The following KCNQ5 variants were observed in gnomAD, a reference collection of about 807,000 sequenced individuals.
KCNQ5 encodes potassium voltage-gated channel subfamily KQT member 5.
Under a neutral mutation model 98.2 loss-of-function variants are expected in KCNQ5, and 30 were observed. The ratio of observed to expected loss-of-function variants is 0.31; its 90% CI spans 0.23 to 0.41. The LOEUF is 0.41. KCNQ5 is among the 10% of genes least tolerant of loss of function. The pLI is 1.00. For missense variants in KCNQ5, 835 were observed against 1,182.5 expected, an observed-to-expected ratio of 0.71 and a Z score of 4.31; for synonymous variants, 458 against 449.4, an observed-to-expected ratio of 1.02 and a Z score of -0.24.
intron 1 of KCNQ5, among the ~76,000 whole-genome samples, chr6:72,692,742 G>A (rs1441827874): frequency 6.6e-6 from 1 of 152,162 alleles, no homozygotes; most frequent in African/African-American, 2.4e-5. Context: ...CAGACCTTAT[G>A]TACTGATGCT....
chr6:72,759,379 T>C (rs1048167315), intron 1 of KCNQ5, among the ~76,000 whole-genome samples: 23 of 152,096 alleles, frequency 1.5e-4, no homozygotes, highest in African/African-American at 5.6e-4. Context: ...AATATTACAG[T>C]AGAAGAAAAA....
chr6:73,118,736 G>A (rs998698887), intron 7 of KCNQ5, among the ~76,000 whole-genome samples: 1 of 152,080 alleles, frequency 6.6e-6, no homozygotes, highest in African/African-American at 2.4e-5. Flanking sequence ...TAAATGAATT[G>A]GTCTGCCAGG....
chr6:73,118,310 C>T (rs1260784593), intron 7 of KCNQ5, among the ~76,000 whole-genome samples: 6 of 152,202 alleles, frequency 3.9e-5, no homozygotes, highest in South Asian at 4.1e-4. Context: ...ACGTTATTCA[C>T]ATGAAGTTCA....
intron 1 of KCNQ5, among the ~76,000 whole-genome samples, chr6:72,941,846 AC>A (rs1247426706): frequency 1.3e-5 from 2 of 151,812 alleles, no homozygotes; most frequent in Non-Finnish European, 2.9e-5. Context: ...CATTGTTCTG[AC>A]CCTCTTATAG....
At chr6:72,795,288 G>A (rs1395098679) in intron 1 of KCNQ5, among the ~76,000 whole-genome samples, 4 of 152,152 alleles carry the variant, frequency 2.6e-5, no homozygotes, top group Non-Finnish European at 5.9e-5. Flanking sequence ...GATAGGAGCA[G>A]AGAGGTGTCA....
At chr6:73,182,971 C>G (rs995387419) in intron 11 of KCNQ5, among the ~76,000 whole-genome samples, 2 of 152,098 alleles carry the variant, frequency 1.3e-5, no homozygotes, top group Admixed American at 1.3e-4. Flanking sequence ...TAGCCATGGA[C>G]TGATTCCCAG....
chr6:72,772,775 T>C (rs1772963987), intron 1 of KCNQ5, among the ~76,000 whole-genome samples: 1 of 152,150 alleles, frequency 6.6e-6, no homozygotes, highest in Non-Finnish European at 1.5e-5. Context: ...TGAACTGCAA[T>C]GTTCAGAAAA....
At chr6:73,057,249 G>A (rs548365231) in intron 3 of KCNQ5, among the ~76,000 whole-genome samples, 80 of 136,078 alleles carry the variant, frequency 5.9e-4, no homozygotes, top group African/African-American at 1.8e-3. Flanking sequence ...AACACCACAT[G>A]TTCTCACTCA....
chr6:72,946,065 C>G (rs183291356), intron 1 of KCNQ5, among the ~76,000 whole-genome samples: 1 of 152,264 alleles, frequency 6.6e-6, no homozygotes, highest in East Asian at 1.9e-4. Context: ...CGTCTTCTCA[C>G]GAACCACAGT....
intron 1 of KCNQ5, among the ~76,000 whole-genome samples, chr6:72,935,028 A>C (rs1765844554): frequency 6.7e-6 from 1 of 150,322 alleles, no homozygotes; most frequent in African/African-American, 2.4e-5. Flanking sequence ...CAAAACTTCC[A>C]ACTTTAACTG....
intron 1 of KCNQ5, among the ~76,000 whole-genome samples, chr6:72,648,957 T>G (rs1017132022): frequency 3.3e-5 from 5 of 152,092 alleles, no homozygotes; most frequent in African/African-American, 1.2e-4. Context: ...CAGGACCCAG[T>G]TTTAGTTCAG....
At chr6:72,943,393 A>G (rs1036837101) in intron 1 of KCNQ5, among the ~76,000 whole-genome samples, 1 of 152,204 alleles carries the variant, frequency 6.6e-6, no homozygotes, top group Non-Finnish European at 1.5e-5. Flanking sequence ...TGAAGCCTAA[A>G]TTACAGAAAA....
intron 1 of KCNQ5, among the ~76,000 whole-genome samples, chr6:72,693,284 A>G (rs1768304891): frequency 6.6e-6 from 1 of 152,152 alleles, no homozygotes; most frequent in Admixed American, 6.5e-5. Flanking sequence ...GAGTTAGAAG[A>G]TAATCAGGAG....
chr6:72,959,837 A>G (rs1767250817), intron 1 of KCNQ5, among the ~76,000 whole-genome samples: 1 of 152,258 alleles, frequency 6.6e-6, no homozygotes, highest in Non-Finnish European at 1.5e-5. Flanking sequence ...ACTTACAGGA[A>G]TTATATCCCA....
intron 1 of KCNQ5, among the ~76,000 whole-genome samples, chr6:72,765,993 G>T (rs1402117887): frequency 6.6e-6 from 1 of 152,000 alleles, no homozygotes; most frequent in Non-Finnish European, 1.5e-5. Context: ...TAGATATCAG[G>T]CATGCACCAA....
intron 11 of KCNQ5, among the ~76,000 whole-genome samples, chr6:73,181,630 T>G (rs1450532104): frequency 6.6e-6 from 1 of 152,278 alleles, no homozygotes; most frequent in Non-Finnish European, 1.5e-5. Context: ...GAACACTTAC[T>G]ATGTGCCAGG....
intron 1 of KCNQ5, among the ~76,000 whole-genome samples, chr6:72,660,731 T>A (rs961106692): frequency 7.9e-5 from 12 of 152,300 alleles, no homozygotes; most frequent in Admixed American, 4.6e-4. Context: ...CGTTGCTCAT[T>A]CAGGCAATAA....
intron 1 of KCNQ5, among the ~76,000 whole-genome samples, chr6:72,674,791 A>G (rs1300944813): frequency 1.3e-5 from 2 of 152,142 alleles, no homozygotes. Flanking sequence ...ATAAATAAAT[A>G]AAGTTTAAAA....
chr6:72,764,222 G>T (rs797020356), intron 1 of KCNQ5, among the ~76,000 whole-genome samples: 1 of 151,780 alleles, frequency 6.6e-6, no homozygotes, highest in Non-Finnish European at 1.5e-5. Flanking sequence ...ATTCTAAATT[G>T]TACTCATTTG....
Sources: gnomAD v4.1 joint callset for allele counts (sites outside exome capture counted in the v4.1 genomes callset) on GRCh38, gnomAD v4.1.1 for gene constraint, MANE v1.5 for transcripts, NCBI Gene and HGNC (gene_info 2026-07-23, HGNC 2026-07-21) for gene names.